Variants in PAX8 observed in about 807,000 individuals in gnomAD.
PAX8 encodes paired box 8, also known as paired box protein Pax-8.
Under a neutral mutation model 52.4 loss-of-function variants are expected in PAX8, and 15 were observed. The ratio of observed to expected loss-of-function variants is 0.29; its 90% CI spans 0.19 to 0.44. The LOEUF (loss-of-function observed/expected upper bound fraction) is 0.44. Ranked by LOEUF, PAX8 falls within the 20% of genes least tolerant of loss-of-function variation. The pLI is 1.00. For missense variants in PAX8, 554 were observed against 602.5 expected, an observed-to-expected ratio of 0.92 and a Z score of 0.84; for synonymous variants, 284 against 249.7, an observed-to-expected ratio of 1.14 and a Z score of -1.29.
chr2:113,253,383 G>T (rs1026990082), intron 2 of PAX8, among the ~76,000 whole-genome samples: 1 of 152,154 alleles, frequency 6.6e-6, no homozygotes, highest in Non-Finnish European at 1.5e-5. Context: ...ATTTCTATTG[G>T]AGATTTCCTC....
At chr2:113,253,522 C>T (rs1691950931) in intron 2 of PAX8, among the ~76,000 whole-genome samples, 1 of 152,252 alleles carries the variant, frequency 6.6e-6, no homozygotes, top group Non-Finnish European at 1.5e-5. Context: ...CTGCACCGCA[C>T]TGTCATCGGT....
chr2:113,233,044 C>CTCCCT (rs1389260598), intron 9 of PAX8, among the ~76,000 whole-genome samples: 1,813 of 142,828 alleles, frequency 0.013, 45 homozygotes, highest in African/African-American at 0.046. Flanking sequence ...CTCCCCTCCC[C>CTCCCT]TCCCTTCCCT....
intron 9 of PAX8, among the ~76,000 whole-genome samples, chr2:113,228,807 C>A (rs986425598): frequency 3.3e-5 from 5 of 152,170 alleles, no homozygotes; most frequent in Admixed American, 6.5e-5. Flanking sequence ...ATCAGTCCCC[C>A]CCAGGTCCTT....
At chr2:113,219,262 A>AG (rs1294434464) in intron 11 of PAX8, among the ~76,000 whole-genome samples, 1 of 151,992 alleles carries the variant, frequency 6.6e-6, no homozygotes, top group Non-Finnish European at 1.5e-5. Flanking sequence ...ATGGGAGGAG[A>AG]GGGGGTCTTG....
intron 10 of PAX8, among the ~76,000 whole-genome samples, chr2:113,223,972 A>G (rs1573405313): frequency 6.6e-6 from 1 of 152,146 alleles, no homozygotes; most frequent in Non-Finnish European, 1.5e-5. Context: ...ATGGGTGAAA[A>G]GATGGATGGA....
At chr2:113,254,461 T>G (rs1182768125) in intron 2 of PAX8, among the ~76,000 whole-genome samples, 1 of 152,216 alleles carries the variant, frequency 6.6e-6, no homozygotes, top group Non-Finnish European at 1.5e-5. Flanking sequence ...ACATGTAACC[T>G]GAGTGGAAGG....
chr2:113,249,538 A>T (rs1020181039), intron 2 of PAX8, among the ~76,000 whole-genome samples: 2 of 151,744 alleles, frequency 1.3e-5, no homozygotes, highest in African/African-American at 4.8e-5. Flanking sequence ...AAGCAGGTTT[A>T]AAAAAAATGC....
Position 113,235,440 on chromosome 2 carries a change from A to C in PAX8, c.1041T>G (p.His347Gln). The change falls in exon 9 of 12, where the codon CAT becomes CAG. Residue 347 changes from histidine (H) to glutamine (Q), a missense_variant. Coordinates refer to ENST00000429538, the MANE Select transcript of PAX8 (RefSeq NM_003466.4). ...TGAACTGCCCGTACACGGAGGCAGC[A>C]TGGGGAAAGGCATTGAAGGGCGGGA... is the stretch of plus-strand genomic sequence containing the variant. ...SGVPPFNAFP[H>Q]AASVYGQFTG... is the part of the protein sequence containing the mutation. 4 of 1,608,550 alleles carry C rather than the reference A, an allele frequency of 2.5e-6. No individual in the cohort carries two copies. The South Asian group carries it at 4.4e-5, about 18-fold the overall frequency.
Position 113,218,421 on chromosome 2 carries a change from A to G in PAX8, c.*112T>C. 1 of 603,042 alleles carries G rather than the reference A, an allele frequency of 1.7e-6. No individual in the cohort carries two copies. The highest frequency in any genetic ancestry group is 2.9e-6 in the Non-Finnish European group (1 of 347,168). The allele number at this position is 603,042 out of a possible 1,614,324, so 37.4% of individuals were successfully genotyped here. ...CACAGGGAGTGTGCCGCAATGCTGG[A>G]CTTGTGGTTATTTTTCATGTAATAA... On this transcript the variant is annotated 3_prime_UTR_variant, in exon 12 of 12. Coordinates refer to ENST00000429538, the MANE Select transcript of PAX8 (RefSeq NM_003466.4).
chr2:113,251,398 C>T (rs983329675), intron 2 of PAX8, among the ~76,000 whole-genome samples: 2 of 149,702 alleles, frequency 1.3e-5, no homozygotes, highest in Non-Finnish European at 3.0e-5. Context: ...AGGTGTGGCC[C>T]AGGAAGAGGT....
At chr2:113,242,206 A>G (rs1690912058) in intron 5 of PAX8, 76 bp from the exon 6 acceptor site, 2 of 1,336,028 alleles carry the variant, frequency 1.5e-6, no homozygotes, top group African/African-American at 1.5e-5. Context: ...TGGGGTAGTT[A>G]CAGTTGAGCT....
intron 2 of PAX8, among the ~76,000 whole-genome samples, chr2:113,260,220 T>C (rs1692565938): frequency 6.6e-6 from 1 of 152,132 alleles, no homozygotes; most frequent in Non-Finnish European, 1.5e-5. Context: ...TATAGAACCT[T>C]AAAGATTTTC....
At chr2:113,224,126 T>A (rs544363899) in intron 10 of PAX8, among the ~76,000 whole-genome samples, 1 of 151,784 alleles carries the variant, frequency 6.6e-6, no homozygotes, top group South Asian at 2.1e-4. Context: ...GAAAGACAGA[T>A]TAAAGGATAG....
intron 9 of PAX8, among the ~76,000 whole-genome samples, chr2:113,228,047 C>A (rs1380290345): frequency 6.6e-6 from 1 of 152,184 alleles, no homozygotes; most frequent in Non-Finnish European, 1.5e-5. Flanking sequence ...CTTGGTGATA[C>A]CAAATCAGCT....
rs750725540 is a variant in PAX8 at position 113,235,575 on chromosome 2, G to A, written c.906C>T (p.His302=). The A allele has an allele frequency of 3.4e-5, 55 of 1,610,088 alleles. No individual in the cohort carries two copies. Among genetic ancestry groups the A allele is most frequent in the Non-Finnish European group, 3.7e-5 (44 of 1,177,274 alleles). ...TTTCCTGCTTTATGGCGAAGGGTGA[G>A]TGAGGATCTGCCGGAGGGAGGGAGA... is the stretch of plus-strand genomic sequence containing the variant. ...HQTYPVVADP[H]SPFAIKQETP... is the part of the protein sequence containing the mutation. Residue 302 remains histidine (H), a synonymous_variant, in exon 9 of 12, where the codon CAC becomes CAT. Coordinates refer to ENST00000429538, the MANE Select transcript of PAX8 (RefSeq NM_003466.4).
chr2:113,219,337 C>T (rs1051031048), intron 11 of PAX8, among the ~76,000 whole-genome samples: 4 of 152,214 alleles, frequency 2.6e-5, no homozygotes, highest in African/African-American at 9.6e-5. Context: ...ATCACTGCTT[C>T]TGTCTGGCTC....
chr2:113,241,415 G>C (rs1376598688), intron 7 of PAX8, 136 bp downstream of exon 7: 1 of 807,872 alleles, frequency 1.2e-6, no homozygotes, highest in South Asian at 1.5e-5. Flanking sequence ...TGTCAGGCTT[G>C]GAGTTGCATA....
In PAX8 at chr2:113,236,583, A is replaced by G. The variant is rs746792634; in HGVS notation, c.898+18T>C. ...GTCCCCCGCCCTCCACCTGCCAGGGAGGCTCCGGGCGTTGTACCTGCCACC... is the reference window on the plus strand; with the variant it reads ...GTCCCCCGCCCTCCACCTGCCAGGGGGGCTCCGGGCGTTGTACCTGCCACC... On this transcript the variant is annotated intron_variant, in intron 8 of 11. Coordinates refer to ENST00000429538, the MANE Select transcript of PAX8 (RefSeq NM_003466.4). 1.2e-5 allele frequency: 18 copies of G among 1,554,934 alleles called. No homozygotes were observed. Among genetic ancestry groups the G allele is most frequent in the East Asian group, 2.4e-5 (1 of 41,542 alleles).
intron 2 of PAX8, among the ~76,000 whole-genome samples, chr2:113,254,815 C>CA (rs1366279070): frequency 6.6e-6 from 1 of 152,176 alleles, no homozygotes; most frequent in African/African-American, 2.4e-5. Flanking sequence ...CTGTGTCCTC[C>CA]ATGCCTGGAG....
Sources: gnomAD v4.1 joint callset for allele counts (sites outside exome capture counted in the v4.1 genomes callset) on GRCh38, gnomAD v4.1.1 for gene constraint, MANE v1.5 for transcripts, NCBI Gene and HGNC (gene_info 2026-07-23, HGNC 2026-07-21) for gene names.